RAP1GAP: variants seen among roughly 807,000 people sequenced by gnomAD.
RAP1GAP encodes the protein RAP1 GTPase activating protein.
A neutral mutation model predicts 87.2 loss-of-function variants in RAP1GAP; 35 were observed. That is an observed-to-expected ratio of 0.40 (90% CI 0.31 to 0.53). RAP1GAP has a LOEUF of 0.53. Ranked by LOEUF, RAP1GAP falls within the 20% of genes least tolerant of loss-of-function variation. The pLI, the probability that RAP1GAP is intolerant of heterozygous loss-of-function variation, is 0.48. For missense variants in RAP1GAP, 734 were observed against 898.9 expected (o/e 0.82, Z 2.35); for synonymous variants, 375 against 363.9 (o/e 1.03, Z -0.35).
At chr1:21,662,795 C>A (rs1057211205) in intron 1 of RAP1GAP, among the ~76,000 whole-genome samples, 1 of 152,176 alleles carries the variant, frequency 6.6e-6, no homozygotes, top group Non-Finnish European at 1.5e-5. Context: ...AATCTCAGCC[C>A]CAGCCACTCA....
At chr1:21,618,058 G>C (rs2083484828) in intron 5 of RAP1GAP, 86 bp from the exon 6 acceptor site, 2 of 1,539,192 alleles carry the variant, frequency 1.3e-6, no homozygotes, top group South Asian at 2.2e-5. Context: ...CCAGCCTCAG[G>C]GCTGAGAGTG....
chr1:21,633,880 CA>C (rs2094244089), intron 2 of RAP1GAP, among the ~76,000 whole-genome samples: 1 of 151,940 alleles, frequency 6.6e-6, no homozygotes, highest in African/African-American at 2.4e-5. Flanking sequence ...AGGATGAGGA[CA>C]AGGGCACAGA....
At chr1:21,630,266 CTTT>C (rs199787255) in intron 2 of RAP1GAP, among the ~76,000 whole-genome samples, 1 of 145,834 alleles carries the variant, frequency 6.9e-6, no homozygotes. Context: ...TTCTTTTTCC[CTTT>C]TTTTTTTTTG....
Position 21,608,361 on chromosome 1 carries a change from G to C in RAP1GAP, c.1159-11C>G, listed in dbSNP as rs763247284. ...GGCCCGCGTCCGCTCCTGTGGGCCA[G>C]GCCCGGGCCGTCAGGAGGGACCCCA... On this transcript the variant is annotated splice_polypyrimidine_tract_variant and intron_variant, in intron 16 of 24. Coordinates refer to ENST00000374765, the MANE Select transcript of RAP1GAP (RefSeq NM_002885.4). 2 of 1,610,774 alleles carry C rather than the reference G, an allele frequency of 1.2e-6. No homozygotes were observed. Among genetic ancestry groups the C allele is most frequent in the African/African-American group, 1.3e-5 (1 of 74,878 alleles).
rs1343730017 is a variant in RAP1GAP, at chr1:21,602,808, TCTC to T, written c.1531_1533del (p.Glu511del). On this transcript the variant is annotated inframe_deletion, in exon 19 of 25. Transcript: ENST00000374765. ...CACTGTCCCCCACTCACCCACCTCT[TCTC>T]CTGCACCTCCTGTATGTTCTCGATG... 1.9e-6 allele frequency: 3 copies of T among 1,605,626 alleles called. No individual in the cohort carries two copies. The highest frequency in any genetic ancestry group is 1.7e-6 in the Non-Finnish European group (2 of 1,177,658).
At chr1:21,651,381 C>T in intron 1 of RAP1GAP, 1 of 521,236 alleles carries the variant, frequency 1.9e-6, no homozygotes, top group Non-Finnish European at 3.9e-6. Flanking sequence ...CCTGCCCCTA[C>T]TCCCACATAC....
chr1:21,601,913 T>A, intron 19 of RAP1GAP, 116 bp from the exon 20 acceptor site: 1 of 671,422 alleles, frequency 1.5e-6, no homozygotes, highest in Non-Finnish European at 2.4e-6. Context: ...CCCACGCCCC[T>A]ATACTCAGGG....
At chr1:21,643,206 A>C (rs186840617) in intron 2 of RAP1GAP, among the ~76,000 whole-genome samples, 2 of 152,324 alleles carry the variant, frequency 1.3e-5, no homozygotes, top group East Asian at 3.9e-4. Context: ...TTGCTGAATG[A>C]ATGAATTTTG....
chr1:21,643,603 C>T (rs901218894), intron 2 of RAP1GAP, among the ~76,000 whole-genome samples: 4 of 151,788 alleles, frequency 2.6e-5, no homozygotes, highest in Non-Finnish European at 5.9e-5. Flanking sequence ...AAATCCCCTC[C>T]TTAGCCATCT....
chr1:21,617,434 A>G lies in RAP1GAP; in HGVS notation c.163T>C (p.Trp55Arg). 2 of 1,606,252 alleles carry G rather than the reference A, an allele frequency of 1.2e-6. No individual in the cohort carries two copies. The highest frequency in any genetic ancestry group is 1.7e-4 in the Middle Eastern group (1 of 6,038). ...ATTTCGTGGTTGGTGCCCTCAATCC[A>G]GTAGCCCCCAAACTGGGGCAGCAGG... ...LILLPQFGGY[W>R]IEGTNHEITS... Residue 55 changes from tryptophan to arginine, a missense_variant, in exon 7 of 25, where the codon TGG becomes CGG. Coordinates refer to ENST00000374765, the MANE Select transcript of RAP1GAP (RefSeq NM_002885.4).
intron 1 of RAP1GAP, chr1:21,651,686 C>A: frequency 2.3e-6 from 3 of 1,327,404 alleles, no homozygotes; most frequent in Non-Finnish European, 3.1e-6. Flanking sequence ...GGCCCACCCG[C>A]CCAAACGCGA....
intron 4 of RAP1GAP, 27 bp from the exon 5 acceptor site, chr1:21,619,099 C>T (rs1416603899): frequency 6.3e-7 from 1 of 1,579,182 alleles, no homozygotes; most frequent in Non-Finnish European, 8.6e-7. Context: ...CACTGTTACA[C>T]CCTCCCAGGC....
intron 2 of RAP1GAP, among the ~76,000 whole-genome samples, chr1:21,631,196 C>A (rs994512065): frequency 1.3e-5 from 2 of 152,234 alleles, no homozygotes; most frequent in Non-Finnish European, 2.9e-5. Flanking sequence ...AACCATCCAA[C>A]CCCCTGGCCT....
Position 21,609,683 on chromosome 1 carries a change from T to C in RAP1GAP, c.1000-37A>G. On this transcript the variant is annotated intron_variant, in intron 14 of 24. Transcript: ENST00000374765. This position sits in a 1 kb window ranked among gnomAD's most constrained non-coding sequence, Gnocchi z 4.4. ...GGCAGCTGTCTGTTCCTGTGGAGCC[T>C]GGGGTCTGCTCTGCCCCACCCAGCC... 6.7e-7 allele frequency: 1 copy of C among 1,491,636 alleles called. No homozygotes were observed. 92.4% of individuals were successfully genotyped at this position (1,491,636 alleles called of 1,614,324 possible). A position where few individuals can be genotyped will look rare whatever the true frequency, so the allele number is the denominator to read the frequency against.
In RAP1GAP at chr1:21,609,516, C is replaced by A. The variant is rs1288754052; in HGVS notation, c.1071+59G>T. The A allele has an allele frequency of 2.9e-6, 3 of 1,021,486 alleles. No homozygotes were observed. The highest frequency in any genetic ancestry group is 3.3e-5 in the African/African-American group (2 of 60,454). 63.3% of individuals were successfully genotyped at this position (1,021,486 alleles called of 1,614,324 possible). ...CCTCATAAGGCAGAATGTGTATGCACCCCCCAGGCCCCCACCCATTTGTCC... is the reference window on the plus strand; with the variant it reads ...CCTCATAAGGCAGAATGTGTATGCAACCCCCAGGCCCCCACCCATTTGTCC... On this transcript the variant is annotated intron_variant, in intron 15 of 24. Transcript: ENST00000374765. This position sits in a 1 kb window ranked among gnomAD's most constrained non-coding sequence, Gnocchi z 4.4.
chr1:21,606,332 G>A (rs1239786119), intron 17 of RAP1GAP, 135 bp from the exon 18 acceptor site: 3 of 1,313,908 alleles, frequency 2.3e-6, no homozygotes, highest in Non-Finnish European at 2.1e-6. Flanking sequence ...CTTCCCCTGG[G>A]CATGTGGCCA....
chr1:21,603,803 C>A lies in RAP1GAP; in HGVS notation c.1429-890G>T, dbSNP rs779687023. On this transcript the variant is annotated intron_variant, in intron 18 of 24. Transcript: ENST00000374765. This position sits in a 1 kb window ranked among gnomAD's most constrained non-coding sequence, Gnocchi z 6.0. ...AGCAGAGAACAGCGCGTGCAGGCAG[C>A]CTCCAGAGCCGGCGGCCCCGCGGAC... 7.5e-6 allele frequency: 12 copies of A among 1,593,454 alleles called. No homozygotes were observed. In the South Asian group the frequency reaches 1.3e-4, roughly 18 times the overall value.
At chr1:21,646,172 G>A (rs1224452619) in intron 2 of RAP1GAP, among the ~76,000 whole-genome samples, 1 of 152,232 alleles carries the variant, frequency 6.6e-6, no homozygotes, top group Non-Finnish European at 1.5e-5. Context: ...TGGGATACAG[G>A]AAGTGCTCCA....
chr1:21,617,422 T>G lies in RAP1GAP; in HGVS notation c.175A>C (p.Thr59Pro), dbSNP rs1558706144. Residue 59 changes from threonine (T) to proline (P), a missense_variant, in exon 7 of 25, where the codon ACC becomes CCC. Coordinates refer to ENST00000374765, the MANE Select transcript of RAP1GAP (RefSeq NM_002885.4). ...PQFGGYWIEG[T>P]NHEITSIPET... is the part of the protein sequence containing the mutation. The stretch of plus-strand genomic sequence containing the variant: ...GGGATGCTGGTGATTTCGTGGTTGG[T>G]GCCCTCAATCCAGTAGCCCCCAAAC... The G allele has an allele frequency of 6.2e-7, 1 of 1,605,714 alleles. No individual in the cohort carries two copies. The highest frequency in any genetic ancestry group is 8.5e-7 in the Non-Finnish European group (1 of 1,176,626).
Sources: gnomAD v4.1 joint callset for allele counts (sites outside exome capture counted in the v4.1 genomes callset) on GRCh38, gnomAD v4.1.1 for gene constraint, Gnocchi (gnomAD v3.1) non-coding constraint, MANE v1.5 for transcripts, NCBI Gene and HGNC (gene_info 2026-07-23, HGNC 2026-07-21) for gene names.